PABPC4L: variants seen among roughly 807,000 people sequenced by gnomAD.
The protein encoded by PABPC4L is poly(A) binding protein cytoplasmic 4 like.
For missense variants in PABPC4L, 452 were observed against 451.4 expected, an observed-to-expected ratio of 1.00 and a Z score of -0.01; for synonymous variants, 169 against 164.1, an observed-to-expected ratio of 1.03 and a Z score of -0.23.
chr4:134,044,259 TTTA>T, the PABPC4L span, among the ~76,000 whole-genome samples: 7 of 151,092 alleles, frequency 4.6e-5, no homozygotes, highest in East Asian at 2.0e-4. Flanking sequence ...ATATTTTACT[TTTA>T]TTATTATTAT....
At chr4:134,052,395 A>G in the PABPC4L span, among the ~76,000 whole-genome samples, 3 of 152,100 alleles carry the variant, frequency 2.0e-5, no homozygotes, top group African/African-American at 7.2e-5. Context: ...TTTAGAAAAC[A>G]GTGTTTTACT....
chr4:134,122,850 T>A, the PABPC4L span, among the ~76,000 whole-genome samples: 1 of 151,984 alleles, frequency 6.6e-6, no homozygotes, highest in African/African-American at 2.4e-5. Context: ...TCTTATAGTT[T>A]AAGGTGTTTT....
At chr4:134,071,665 C>G in the PABPC4L span, among the ~76,000 whole-genome samples, 1 of 152,028 alleles carries the variant, frequency 6.6e-6, no homozygotes, top group Non-Finnish European at 1.5e-5. Flanking sequence ...CTGTTGTTTT[C>G]TCTGTAAATT....
At chr4:134,031,456 T>C in the PABPC4L span, among the ~76,000 whole-genome samples, 1 of 152,002 alleles carries the variant, frequency 6.6e-6, no homozygotes, top group Non-Finnish European at 1.5e-5. Context: ...TCACAGTAAA[T>C]TGAATTTTTT....
the PABPC4L span, among the ~76,000 whole-genome samples, chr4:133,954,747 T>C: frequency 6.6e-6 from 1 of 152,182 alleles, no homozygotes; most frequent in Non-Finnish European, 1.5e-5. Flanking sequence ...CTTTAAAACA[T>C]ATAAATAGAT....
At chr4:134,017,030 G>A in the PABPC4L span, among the ~76,000 whole-genome samples, 1 of 152,110 alleles carries the variant, frequency 6.6e-6, no homozygotes, top group Non-Finnish European at 1.5e-5. Flanking sequence ...CTTCCCTTCT[G>A]TCAGACATAA....
chr4:134,144,591 A>C, the PABPC4L span, among the ~76,000 whole-genome samples: 6 of 151,414 alleles, frequency 4.0e-5, no homozygotes, highest in African/African-American at 7.3e-5. Flanking sequence ...AAAAAAAAAA[A>C]AAAACAGTTC....
At chr4:134,155,360 A>G in the PABPC4L span, among the ~76,000 whole-genome samples, 3 of 150,478 alleles carry the variant, frequency 2.0e-5, no homozygotes, top group Admixed American at 1.3e-4. Flanking sequence ...TCTCTCCCCC[A>G]ACACACATTA....
chr4:134,166,301 T>C, the PABPC4L span, among the ~76,000 whole-genome samples: 3 of 152,238 alleles, frequency 2.0e-5, no homozygotes, highest in East Asian at 5.8e-4. Context: ...AATGAATATA[T>C]ATGTAGATAG....
the PABPC4L span, among the ~76,000 whole-genome samples, chr4:133,969,570 A>G: frequency 6.1e-4 from 93 of 152,330 alleles, no homozygotes; most frequent in South Asian, 1.7e-3. Context: ...CAAAATGCAC[A>G]TATGTAATAA....
At chr4:134,005,831 G>A in the PABPC4L span, among the ~76,000 whole-genome samples, 8 of 151,530 alleles carry the variant, frequency 5.3e-5, no homozygotes, top group South Asian at 4.2e-4. Flanking sequence ...CATTTTACTC[G>A]CCATCTGAAA....
chr4:134,098,855 G>A, the PABPC4L span, among the ~76,000 whole-genome samples: 1 of 151,622 alleles, frequency 6.6e-6, no homozygotes, highest in East Asian at 1.9e-4. Flanking sequence ...TGAAGATTTT[G>A]TTTCGAGAAG....
the PABPC4L span, among the ~76,000 whole-genome samples, chr4:134,030,022 T>A: frequency 6.6e-6 from 1 of 152,056 alleles, no homozygotes; most frequent in Admixed American, 6.6e-5. Flanking sequence ...TGAAGAAAGA[T>A]GTGTTAGCTT....
At chr4:133,962,415 G>A in the PABPC4L span, among the ~76,000 whole-genome samples, 2 of 152,054 alleles carry the variant, frequency 1.3e-5, no homozygotes, top group East Asian at 3.9e-4. Flanking sequence ...AATATCCAAG[G>A]GAATAGATAG....
At chr4:134,094,776 T>C in the PABPC4L span, among the ~76,000 whole-genome samples, 1 of 151,634 alleles carries the variant, frequency 6.6e-6, no homozygotes, top group African/African-American at 2.4e-5. Context: ...TAAATTAAAC[T>C]GGCTGATTCT....
chr4:134,172,413 G>T, the PABPC4L span, among the ~76,000 whole-genome samples: 1 of 152,116 alleles, frequency 6.6e-6, no homozygotes, highest in Non-Finnish European at 1.5e-5. Flanking sequence ...TAGCAATGGG[G>T]AAAGGACTAT....
chr4:133,948,669 C>T, the PABPC4L span, among the ~76,000 whole-genome samples: 2 of 152,138 alleles, frequency 1.3e-5, no homozygotes, highest in Non-Finnish European at 2.9e-5. Context: ...TGGTATAGAG[C>T]CAACATACAA....
chr4:134,050,894 T>C, the PABPC4L span, among the ~76,000 whole-genome samples: 1 of 150,736 alleles, frequency 6.6e-6, no homozygotes, highest in South Asian at 2.1e-4. Flanking sequence ...TTTTTTTTTT[T>C]TTTTGTATTC....
the PABPC4L span, among the ~76,000 whole-genome samples, chr4:134,088,342 G>A: frequency 1.8e-4 from 27 of 151,986 alleles, no homozygotes; most frequent in South Asian, 4.1e-4. Context: ...CTCTACTACT[G>A]GGACCTAAGC....
Sources: gnomAD v4.1 joint callset for allele counts (sites outside exome capture counted in the v4.1 genomes callset) on GRCh38, gnomAD v4.1.1 for gene constraint, MANE v1.5 for transcripts, NCBI Gene and HGNC (gene_info 2026-07-23, HGNC 2026-07-21) for gene names.